Variants in ABCC4 observed in about 807,000 individuals in gnomAD.
ABCC4 encodes the protein ATP binding cassette subfamily C member 4 (PEL blood group).
A neutral mutation model predicts 168.5 loss-of-function variants in ABCC4; 102 were observed. That is an observed-to-expected ratio of 0.61 (90% confidence interval 0.52 to 0.71). The LOEUF (loss-of-function observed/expected upper bound fraction) is 0.71. ABCC4 is among the 30% of genes least tolerant of loss of function. The pLI is 0.00. For synonymous variants in ABCC4, 617 were observed against 590.7 expected (o/e 1.04, Z -0.65); for missense variants, 1,402 against 1,605.8 (o/e 0.87, Z 2.17).
intron 20 of ABCC4, among the ~76,000 whole-genome samples, chr13:95,107,522 T>C (rs1451316291): frequency 6.6e-6 from 1 of 152,254 alleles, no homozygotes; most frequent in Non-Finnish European, 1.5e-5. Flanking sequence ...ACAGTAACTA[T>C]AGAAATGTGC....
At chr13:95,170,439 CTGAG>C in intron 14 of ABCC4, 89 bp downstream of exon 14, 1 of 709,442 alleles carries the variant, frequency 1.4e-6, no homozygotes, top group Non-Finnish European at 2.3e-6. Context: ...AATCCCAGCT[CTGAG>C]AAGAAAGGAA....
At chr13:95,300,183 T>C (rs8001444) in intron 1 of ABCC4, among the ~76,000 whole-genome samples, 77,924 of 151,970 alleles carry the variant, frequency 0.51, 21,839 homozygotes, top group East Asian at 0.62. Flanking sequence ...TCTTTCTCCG[T>C]TTGTTTCCTT....
In ABCC4 at chr13:95,290,037, G is replaced by A. The variant is rs1417878600; in HGVS notation, c.74+11204C>T. 4.0e-5 allele frequency among the ~76,000 whole-genome samples: 6 copies of A among 151,600 alleles called. No homozygotes were observed. In the East Asian group the frequency reaches 7.8e-4, roughly 20 times the overall value. On this transcript the variant is annotated intron_variant, in intron 1 of 30. Coordinates refer to ENST00000645237, the MANE Select transcript of ABCC4 (RefSeq NM_005845.5). The stretch of plus-strand genomic sequence containing the variant: ...CTTGAACCCGGGAGGCAGAGGTTGC[G>A]GTGAGCCAAGATCACACCATTCCAC...
intron 1 of ABCC4, among the ~76,000 whole-genome samples, chr13:95,261,319 C>T (rs1056463526): frequency 3.3e-5 from 5 of 151,810 alleles, no homozygotes; most frequent in African/African-American, 4.8e-5. Context: ...CGTGGTGGTG[C>T]GTGCCTGTAA....
chr13:95,137,650 C>A (rs1268958250), intron 19 of ABCC4, among the ~76,000 whole-genome samples: 1 of 152,114 alleles, frequency 6.6e-6, no homozygotes, highest in Non-Finnish European at 1.5e-5. Context: ...CTGGTGGTGT[C>A]CCTCATTCGA....
intron 19 of ABCC4, among the ~76,000 whole-genome samples, chr13:95,144,741 C>T (rs1254803629): frequency 6.6e-6 from 1 of 152,018 alleles, no homozygotes. Flanking sequence ...TCAGAGACTA[C>T]ACAAACAAAT....
At chr13:95,175,317 A>C (rs1312422528) in intron 13 of ABCC4, among the ~76,000 whole-genome samples, 2 of 151,270 alleles carry the variant, frequency 1.3e-5, no homozygotes, top group Non-Finnish European at 2.9e-5. Context: ...TTTTTTTTTT[A>C]TTATTATTAT....
chr13:95,222,233 C>A (rs1056184196), intron 4 of ABCC4, among the ~76,000 whole-genome samples: 3 of 152,230 alleles, frequency 2.0e-5, no homozygotes, highest in African/African-American at 7.2e-5. Flanking sequence ...GGCTATTCAA[C>A]TAGCAGAGAG....
At chr13:95,250,075 C>T (rs2040215108) in intron 1 of ABCC4, among the ~76,000 whole-genome samples, 1 of 152,178 alleles carries the variant, frequency 6.6e-6, no homozygotes, top group Non-Finnish European at 1.5e-5. Flanking sequence ...GAGCTAAAGG[C>T]TTTTGCCTGA....
rs527540865 is a variant in ABCC4, at chr13:95,069,703, C to T, written c.3210+1959G>A. Reference sequence around the variant, plus strand: ...CCCACATGTAAGTGGAACCTTATAGCACCGTCCTTAGGTGTCTGGCCTAAT... The same window carrying T: ...CCCACATGTAAGTGGAACCTTATAGTACCGTCCTTAGGTGTCTGGCCTAAT... On this transcript the variant is annotated intron_variant, in intron 25 of 30. Transcript: ENST00000645237. Among the ~76,000 whole-genome samples the T allele has an allele frequency of 2.0e-5, 3 of 152,332 alleles. No individual in the cohort carries two copies. The South Asian group carries it at 6.2e-4, about 32-fold the overall frequency.
intron 30 of ABCC4, among the ~76,000 whole-genome samples, chr13:95,026,164 G>A (rs957888229): frequency 1.3e-5 from 2 of 152,116 alleles, no homozygotes; most frequent in Non-Finnish European, 2.9e-5. Context: ...TGCTTGAACC[G>A]GGAGTTGGAG....
chr13:95,031,620 A>G (rs2031882599), intron 30 of ABCC4, among the ~76,000 whole-genome samples: 1 of 152,238 alleles, frequency 6.6e-6, no homozygotes, highest in East Asian at 1.9e-4. Context: ...AATATTGTTG[A>G]ATTAGATGGA....
intron 25 of ABCC4, 107 bp from the exon 26 acceptor site, chr13:95,062,966 T>C: frequency 7.8e-7 from 1 of 1,287,398 alleles, no homozygotes; most frequent in East Asian, 2.4e-5. Flanking sequence ...TTAAGGACAT[T>C]CTATATTGAG....
intron 1 of ABCC4, among the ~76,000 whole-genome samples, chr13:95,287,365 G>A (rs2041285242): frequency 6.6e-6 from 1 of 151,906 alleles, no homozygotes; most frequent in Non-Finnish European, 1.5e-5. Flanking sequence ...AAGGTGGGCA[G>A]ATCACGAGGT....
At chr13:95,132,294 C>T (rs1383927248) in intron 19 of ABCC4, among the ~76,000 whole-genome samples, 2 of 152,164 alleles carry the variant, frequency 1.3e-5, no homozygotes, top group African/African-American at 4.8e-5. Flanking sequence ...CGGCTCACTG[C>T]AACTTCCGCC....
intron 7 of ABCC4, 99 bp from the exon 8 acceptor site, chr13:95,206,880 T>C (rs770451449): frequency 7.8e-6 from 11 of 1,401,632 alleles, no homozygotes; most frequent in Middle Eastern, 1.9e-4. Context: ...GGTGGATGAA[T>C]TGTTTGAACC....
chr13:95,283,937 C>T (rs532499204), intron 1 of ABCC4, among the ~76,000 whole-genome samples: 6 of 151,422 alleles, frequency 4.0e-5, no homozygotes, highest in South Asian at 4.2e-4. Flanking sequence ...CAGTGGCTCA[C>T]GCCTGTAATC....
chr13:95,205,354 A>T (rs2038750681), intron 8 of ABCC4, among the ~76,000 whole-genome samples: 2 of 152,184 alleles, frequency 1.3e-5, no homozygotes, highest in Non-Finnish European at 2.9e-5. Flanking sequence ...CCAAAAAAAT[A>T]AAAATAAAAA....
intron 4 of ABCC4, among the ~76,000 whole-genome samples, chr13:95,214,891 A>G (rs2138690551): frequency 6.6e-6 from 1 of 151,390 alleles, no homozygotes; most frequent in South Asian, 2.1e-4. Flanking sequence ...ATTCAAAAAA[A>G]AAAAAAAAAA....
Sources: allele counts gnomAD v4.1 joint callset (sites outside exome capture counted in the v4.1 genomes callset), GRCh38; gene constraint gnomAD v4.1.1; transcripts MANE v1.5; gene names NCBI Gene and HGNC (gene_info 2026-07-23, HGNC 2026-07-21).